Variants in NKAIN2 observed in about 807,000 individuals in gnomAD.
The protein encoded by NKAIN2 is sodium/potassium-transporting ATPase subunit beta-1-interacting protein 2.
A neutral mutation model predicts 32.6 loss-of-function variants in NKAIN2; 14 were observed. The observed-to-expected ratio is 0.43, with a 90% CI of 0.28 to 0.67. The LOEUF is 0.67. NKAIN2 is among the 30% of genes least tolerant of loss of function. The pLI is 0.17. For synonymous variants in NKAIN2, 80 were observed against 87.2 expected (o/e 0.92, Z 0.46); for missense variants, 198 against 258.3 (o/e 0.77, Z 1.60).
rs117285103 is a variant in NKAIN2, at chr6:124,415,955, C to T, written c.273+60608C>T. 1.5e-3 allele frequency among the ~76,000 whole-genome samples: 211 copies of T among 138,706 alleles called. 9 individuals carry two copies. In the East Asian group the frequency reaches 0.046, roughly 30 times the overall value. The allele number at this position is 138,706 out of a possible 152,430, so 91.0% of individuals were successfully genotyped here. ...CTTCTCCTCTGTGACTCCAACAACACAAATATTTGATCTTTGGTTATAGTC... is the reference window on the plus strand; with the variant it reads ...CTTCTCCTCTGTGACTCCAACAACATAAATATTTGATCTTTGGTTATAGTC... On this transcript the variant is annotated intron_variant, in intron 3 of 6. Transcript: ENST00000368417.
chr6:124,325,687 A>G (rs192131572), intron 2 of NKAIN2, among the ~76,000 whole-genome samples: 46 of 152,272 alleles, frequency 3.0e-4, no homozygotes, highest in African/African-American at 1.1e-3. Context: ...GCAAAGGGAA[A>G]ACTAAGCTAT....
At chr6:124,232,836 TCTAAA>T (rs1162524080) in intron 1 of NKAIN2, among the ~76,000 whole-genome samples, 1 of 152,170 alleles carries the variant, frequency 6.6e-6, no homozygotes, top group Non-Finnish European at 1.5e-5. Context: ...GTGTTAGTCT[TCTAAA>T]CTAAACTTTT....
At chr6:124,015,538 T>C (rs1451423243) in intron 1 of NKAIN2, among the ~76,000 whole-genome samples, 1 of 152,176 alleles carries the variant, frequency 6.6e-6, no homozygotes, top group East Asian at 1.9e-4. Context: ...ATTGGATCAT[T>C]TGATAGTTCA....
chr6:124,073,593 A>C lies in NKAIN2; in HGVS notation c.55-209412A>C, dbSNP rs916025582. On this transcript the variant is annotated intron_variant, in intron 1 of 6. Coordinates refer to ENST00000368417, the MANE Select transcript of NKAIN2 (RefSeq NM_001040214.3). Reference sequence around the variant, plus strand: ...CTCTGTTAGGCTTTAACCTTTCCACAATAGGTATTTGGACACTTATATTTT... The same window carrying C: ...CTCTGTTAGGCTTTAACCTTTCCACCATAGGTATTTGGACACTTATATTTT... Among the ~76,000 whole-genome samples, 3 of 152,086 alleles carry C rather than the reference A, an allele frequency of 2.0e-5. No individual in the cohort carries two copies. The South Asian group carries it at 6.2e-4, about 31-fold the overall frequency.
chr6:124,570,579 G>A (rs556578652), intron 3 of NKAIN2, among the ~76,000 whole-genome samples: 36 of 152,304 alleles, frequency 2.4e-4, no homozygotes, highest in African/African-American at 6.5e-4. Flanking sequence ...CAGCTTCTAC[G>A]TGGTGTTGAA....
At chr6:124,607,830 A>G (rs971050326) in intron 3 of NKAIN2, among the ~76,000 whole-genome samples, 5 of 152,112 alleles carry the variant, frequency 3.3e-5, no homozygotes, top group Admixed American at 6.5e-5. Context: ...CAACCATTCT[A>G]TCTTTCACTT....
At chr6:124,038,205 A>G (rs1481466285) in intron 1 of NKAIN2, among the ~76,000 whole-genome samples, 3 of 151,944 alleles carry the variant, frequency 2.0e-5, no homozygotes, top group Non-Finnish European at 4.4e-5. Flanking sequence ...ATGGTGCGTG[A>G]TTTAGTGATA....
intron 1 of NKAIN2, among the ~76,000 whole-genome samples, chr6:124,227,140 A>G (rs1792161953): frequency 6.6e-6 from 1 of 151,284 alleles, no homozygotes; most frequent in African/African-American, 2.4e-5. Flanking sequence ...GCCTGAACTC[A>G]AACCTCCTTA....
chr6:124,380,101 T>C (rs1306515984), intron 3 of NKAIN2, among the ~76,000 whole-genome samples: 1 of 152,128 alleles, frequency 6.6e-6, no homozygotes, highest in African/African-American at 2.4e-5. Flanking sequence ...TGTTGAATAG[T>C]TAGTACAAGG....
At chr6:124,125,141 C>T (rs1786095126) in intron 1 of NKAIN2, among the ~76,000 whole-genome samples, 1 of 152,012 alleles carries the variant, frequency 6.6e-6, no homozygotes, top group Non-Finnish European at 1.5e-5. Context: ...AGATAAAAGT[C>T]CTTTCCATAA....
intron 3 of NKAIN2, among the ~76,000 whole-genome samples, chr6:124,414,910 TATA>T (rs2114512035): frequency 6.6e-6 from 1 of 152,240 alleles, no homozygotes; most frequent in Non-Finnish European, 1.5e-5. Flanking sequence ...ACTGAATATT[TATA>T]ATATTATTGA....
At chr6:124,750,905 T>C (rs547599201) in intron 4 of NKAIN2, among the ~76,000 whole-genome samples, 1 of 151,834 alleles carries the variant, frequency 6.6e-6, no homozygotes, top group African/African-American at 2.4e-5. Context: ...CTCTAAGAGA[T>C]TTTATGGTGG....
chr6:124,594,249 G>A (rs879869682), intron 3 of NKAIN2, among the ~76,000 whole-genome samples: 47 of 152,178 alleles, frequency 3.1e-4, no homozygotes, highest in Non-Finnish European at 6.0e-4. Context: ...TTATTCAAAT[G>A]TAACTTCTGT....
chr6:124,238,766 C>T (rs534499485), intron 1 of NKAIN2, among the ~76,000 whole-genome samples: 14 of 152,240 alleles, frequency 9.2e-5, no homozygotes, highest in African/African-American at 3.1e-4. Flanking sequence ...CTTACAAGAG[C>T]TCCTGAAGGA....
chr6:124,117,141 A>G (rs1036314164), intron 1 of NKAIN2, among the ~76,000 whole-genome samples: 1 of 152,076 alleles, frequency 6.6e-6, no homozygotes, highest in Non-Finnish European at 1.5e-5. Context: ...ATTTTTCAAT[A>G]GCAAATTTGA....
intron 1 of NKAIN2, among the ~76,000 whole-genome samples, chr6:123,948,422 A>G (rs1417748954): frequency 6.6e-6 from 1 of 151,914 alleles, no homozygotes; most frequent in African/African-American, 2.4e-5. Context: ...CCTCTCCAGC[A>G]TCTCTTATTT....
At chr6:124,630,090 T>A (rs944077975) in intron 3 of NKAIN2, among the ~76,000 whole-genome samples, 1 of 151,972 alleles carries the variant, frequency 6.6e-6, no homozygotes, top group African/African-American at 2.4e-5. Context: ...TCTGGGGTGT[T>A]GAGTAGAGTG....
intron 3 of NKAIN2, among the ~76,000 whole-genome samples, chr6:124,421,639 T>C (rs1774756505): frequency 6.6e-6 from 1 of 152,178 alleles, no homozygotes; most frequent in South Asian, 2.1e-4. Context: ...GTAACTCACA[T>C]GAGGGTTAAT....
chr6:123,895,245 ACAGCAGCAG>A (rs560084577), intron 1 of NKAIN2, among the ~76,000 whole-genome samples: 57 of 151,394 alleles, frequency 3.8e-4, no homozygotes, highest in Admixed American at 4.6e-4. Flanking sequence ...ACACACAGCA[ACAGCAGCAG>A]CAGCAGCAGC....
Sources: allele counts gnomAD v4.1 joint callset (sites outside exome capture counted in the v4.1 genomes callset), GRCh38; gene constraint gnomAD v4.1.1; transcripts MANE v1.5; gene names NCBI Gene and HGNC (gene_info 2026-07-23, HGNC 2026-07-21).